TLL2: variants seen among roughly 807,000 people sequenced by gnomAD.
The protein encoded by TLL2 is tolloid-like protein 2.
In TLL2, 106 loss-of-function variants were observed where a neutral mutation model predicts 123.0. The ratio of observed to expected loss-of-function variants is 0.86; its 90% CI spans 0.74 to 1.01. The LOEUF is 1.01. Ranked by LOEUF, TLL2 falls within the 50% of genes least tolerant of loss-of-function variation. The pLI, the probability that TLL2 is intolerant of heterozygous loss-of-function variation, is 0.00. For missense variants in TLL2, 1,332 were observed against 1,336.7 expected (o/e 1.00, Z 0.06); for synonymous variants, 494 against 516.8 (o/e 0.96, Z 0.60).
At chr10:96,506,121 G>A (rs947915435) in intron 1 of TLL2, among the ~76,000 whole-genome samples, 10 of 151,678 alleles carry the variant, frequency 6.6e-5, no homozygotes, top group East Asian at 1.9e-4. Flanking sequence ...GCATGGTGGC[G>A]GGCGTCTGTA....
At chr10:96,369,696 G>A (rs1309336904) in intron 20 of TLL2, among the ~76,000 whole-genome samples, 1 of 151,144 alleles carries the variant, frequency 6.6e-6, no homozygotes, top group Non-Finnish European at 1.5e-5. Context: ...AGGAGGCAGA[G>A]GTTGCAGTGA....
At chr10:96,416,755 T>A (rs117344354) in intron 7 of TLL2, among the ~76,000 whole-genome samples, 1 of 152,264 alleles carries the variant, frequency 6.6e-6, no homozygotes, top group Non-Finnish European at 1.5e-5. Flanking sequence ...AGCTTCCAGC[T>A]GTTTACTACA....
intron 2 of TLL2, among the ~76,000 whole-genome samples, chr10:96,466,410 G>GCTCC (rs369268836): frequency 6.6e-6 from 1 of 152,296 alleles, no homozygotes; most frequent in African/African-American, 2.4e-5. Context: ...GGTATAAACA[G>GCTCC]CTCCGGCAGA....
At chr10:96,392,725 C>G (rs1846300572) in intron 13 of TLL2, among the ~76,000 whole-genome samples, 2 of 152,166 alleles carry the variant, frequency 1.3e-5, no homozygotes, top group Non-Finnish European at 2.9e-5. Context: ...TAAGGCCTTC[C>G]AAAGCTGTCT....
chr10:96,496,296 G>A (rs959711412), intron 1 of TLL2, among the ~76,000 whole-genome samples: 10 of 152,252 alleles, frequency 6.6e-5, no homozygotes, highest in African/African-American at 2.4e-4. Context: ...TGGTGCATGA[G>A]TTGAGACCTA....
At chr10:96,461,866 G>C (rs1394701967) in intron 2 of TLL2, among the ~76,000 whole-genome samples, 1 of 152,122 alleles carries the variant, frequency 6.6e-6, no homozygotes, top group Admixed American at 6.6e-5. Flanking sequence ...CACCCCCAAG[G>C]AGCTCCTGAC....
At chr10:96,372,566 A>G (rs995687716) in intron 19 of TLL2, among the ~76,000 whole-genome samples, 1 of 152,222 alleles carries the variant, frequency 6.6e-6, no homozygotes, top group African/African-American at 2.4e-5. Flanking sequence ...AAGCACGTAC[A>G]TTTCCCACCA....
intron 2 of TLL2, among the ~76,000 whole-genome samples, chr10:96,454,267 C>T (rs1294789151): frequency 1.3e-5 from 2 of 152,200 alleles, no homozygotes; most frequent in African/African-American, 4.8e-5. Context: ...TGGGAGGGCT[C>T]TTCTGAGATC....
rs144196548 is a variant in TLL2, at chr10:96,473,693, C to T, written c.286+6656G>A. Among the ~76,000 whole-genome samples the T allele has an allele frequency of 3.4e-3, 519 of 152,264 alleles. 4 individuals are homozygous for T. The highest frequency in any genetic ancestry group is 5.0e-3 in the South Asian group (24 of 4,810). On this transcript the variant is annotated intron_variant, in intron 2 of 20. Coordinates refer to ENST00000357947, the MANE Select transcript of TLL2 (RefSeq NM_012465.4). ...GAGGCGGGAAACATCAACTTCCATC[C>T]GAGCCAATAAGTAATTAAAACCATT...
intron 2 of TLL2, among the ~76,000 whole-genome samples, chr10:96,450,477 GGT>G (rs1456822208): frequency 6.6e-6 from 1 of 152,072 alleles, no homozygotes; most frequent in Admixed American, 6.6e-5. Context: ...GTGATTCTAT[GGT>G]ACAGCCAAGG....
chr10:96,398,468 G>C (rs1373435918), intron 10 of TLL2, among the ~76,000 whole-genome samples: 1 of 152,168 alleles, frequency 6.6e-6, no homozygotes, highest in Non-Finnish European at 1.5e-5. Context: ...CCAAAATCAA[G>C]TCCCTACTAC....
chr10:96,370,311 G>C lies in TLL2; in HGVS notation c.2667C>G (p.Cys889Trp). The change falls in exon 20 of 21, where the codon TGC becomes TGG. Residue 889 changes from cysteine (C) to tryptophan (W), a missense_variant. By Grantham distance (215) the Cys-to-Trp change is radical. Transcript: ENST00000357947. ...GCACTTCAGCCTTCAGCCTGCCCCCGCACTCTGGAGCAGAGAGAAGTGAGA... is the reference window on the plus strand; with the variant it reads ...GCACTTCAGCCTTCAGCCTGCCCCCCCACTCTGGAGCAGAGAGAAGTGAGA... ...KGFQAVHSTE[C>W]GGRLKAEVQT... 1.3e-6 allele frequency: 2 copies of C among 1,565,936 alleles called. No homozygotes were observed. Among genetic ancestry groups the C allele is most frequent in the South Asian group, 1.2e-5 (1 of 82,774 alleles).
At chr10:96,368,296 G>GA in intron 20 of TLL2, 74 bp from the exon 21 acceptor site, 1 of 1,554,476 alleles carries the variant, frequency 6.4e-7, no homozygotes, top group Non-Finnish European at 8.8e-7. Flanking sequence ...GATGGGACAG[G>GA]ATCTTATGCA....
In TLL2 at chr10:96,402,140, CTT is replaced by C. The variant is rs1479893369; in HGVS notation, c.1267+3090_1267+3091del. Among the ~76,000 whole-genome samples, 9 of 152,278 alleles carry C rather than the reference CTT, an allele frequency of 5.9e-5. No homozygotes were observed. In the East Asian group the frequency reaches 1.7e-3, roughly 29 times the overall value. On this transcript the variant is annotated intron_variant, in intron 10 of 20. Transcript: ENST00000357947. The stretch of plus-strand genomic sequence containing the variant: ...CTCACGAAACTCCTCCCACATAGCT[CTT>C]TTTATTATTTCATTATAGAATGATA...
intron 16 of TLL2, among the ~76,000 whole-genome samples, chr10:96,383,863 C>G (rs1297867198): frequency 1.3e-5 from 2 of 149,892 alleles, no homozygotes; most frequent in African/African-American, 4.9e-5. Context: ...GAACTCCTGA[C>G]CTAGTGATCT....
Position 96,399,702 on chromosome 10 carries a change from G to A in TLL2, c.1268-2400C>T, listed in dbSNP as rs539596719. ...AAGTACTGCTTACCAATGAGGACACGGAGCAATTAGACAGTGCCGGTTCAC... is the reference window on the plus strand; with the variant it reads ...AAGTACTGCTTACCAATGAGGACACAGAGCAATTAGACAGTGCCGGTTCAC... On this transcript the variant is annotated intron_variant, in intron 10 of 20. Transcript: ENST00000357947. 8.5e-5 allele frequency among the ~76,000 whole-genome samples: 13 copies of A among 152,326 alleles called. No homozygotes were observed. The South Asian group carries it at 1.9e-3, about 22-fold the overall frequency.
chr10:96,411,834 T>C (rs572185249), intron 8 of TLL2, among the ~76,000 whole-genome samples: 110 of 152,300 alleles, frequency 7.2e-4, no homozygotes, highest in Non-Finnish European at 1.5e-3. Flanking sequence ...GAACTGCCCA[T>C]TATCGGCCTC....
chr10:96,392,081 G>C (rs1011731531), intron 13 of TLL2, among the ~76,000 whole-genome samples: 1 of 152,190 alleles, frequency 6.6e-6, no homozygotes, highest in African/African-American at 2.4e-5. Context: ...CAATCATTGT[G>C]TGCTTTCCTC....
chr10:96,406,410 C>A (rs1273049813), intron 9 of TLL2, among the ~76,000 whole-genome samples: 1 of 152,112 alleles, frequency 6.6e-6, no homozygotes, highest in Admixed American at 6.5e-5. Flanking sequence ...TCATCTCCAG[C>A]CCTGACCCAG....
Sources: allele counts gnomAD v4.1 joint callset (sites outside exome capture counted in the v4.1 genomes callset), GRCh38; gene constraint gnomAD v4.1.1; transcripts MANE v1.5; gene names NCBI Gene and HGNC (gene_info 2026-07-23, HGNC 2026-07-21).